The following DCAF8L1 variants were observed in gnomAD, a reference collection of about 807,000 sequenced individuals.
The protein encoded by DCAF8L1 is DDB1- and CUL4-associated factor 8-like protein 1.
For missense variants in DCAF8L1, 434 were observed against 481.6 expected, an observed-to-expected ratio of 0.90 and a Z score of 0.92; for synonymous variants, 217 against 186.8, an observed-to-expected ratio of 1.16 and a Z score of -1.32.
chrX:27,978,869 T>C lies in DCAF8L1; in HGVS notation c.*663A>G. The C allele has an allele frequency of 1.1e-6, 1 of 876,319 alleles. No homozygotes were observed. Among genetic ancestry groups the C allele is most frequent in the Non-Finnish European group, 1.7e-6 (1 of 600,912 alleles). The allele number at this position is 876,319 out of a possible 1,213,427, so 72.2% of individuals were successfully genotyped here. A position where few individuals can be genotyped will look rare whatever the true frequency, so the allele number is the denominator to read the frequency against. On this transcript the variant is annotated 3_prime_UTR_variant, in exon 1 of 1. Coordinates refer to ENST00000441525, the MANE Select transcript of DCAF8L1 (RefSeq NM_001017930.2). Reference sequence around the variant, plus strand: ...TGTTGGAAAATCACAATTAACCAGATGATGAAGAGTGAATTTCTTGAGTAC... The same window carrying C: ...TGTTGGAAAATCACAATTAACCAGACGATGAAGAGTGAATTTCTTGAGTAC...
In DCAF8L1 at chrX:27,979,426, G is replaced by A; in HGVS notation, c.*106C>T. The A allele has an allele frequency of 1.9e-6, 2 of 1,065,732 alleles. No homozygotes were observed. Among genetic ancestry groups the A allele is most frequent in the Admixed American group, 3.3e-5 (1 of 29,988 alleles). The allele number at this position is 1,065,732 out of a possible 1,213,427, so 87.8% of individuals were successfully genotyped here. ...CATATAAGGGGTAACAAAAACAGAA[G>A]ACAAAAAGCAAATCTGTTAATCAAT... On this transcript the variant is annotated 3_prime_UTR_variant, in exon 1 of 1. Transcript: ENST00000441525.
rs1483993462 is a variant in DCAF8L1 at position 27,978,719 on chromosome X, C to T, written c.*813G>A. ...TATTTGCTCTGAGGAGATGAATTATCTGGTTAGGAATTCATCTACACACTA... is the reference window on the plus strand; with the variant it reads ...TATTTGCTCTGAGGAGATGAATTATTTGGTTAGGAATTCATCTACACACTA... On this transcript the variant is annotated 3_prime_UTR_variant, in exon 1 of 1. Transcript: ENST00000441525. 2.7e-6 allele frequency: 1 copy of T among 364,738 alleles called. No homozygotes were observed. The highest frequency in any genetic ancestry group is 4.7e-6 in the Non-Finnish European group (1 of 212,854). The allele number at this position is 364,738 out of a possible 1,213,427, so 30.1% of individuals were successfully genotyped here. A position where few individuals can be genotyped will look rare whatever the true frequency, so the allele number is the denominator to read the frequency against.
At position 27,979,570 on chromosome X, in the gene DCAF8L1, C is replaced by T; in HGVS notation, c.1765G>A (p.Glu589Lys). 4 of 1,210,419 alleles carry T rather than the reference C, an allele frequency of 3.3e-6. No homozygotes were observed. Among genetic ancestry groups the T allele is most frequent in the Non-Finnish European group, 3.4e-6 (3 of 894,669 alleles). The part of the protein sequence containing the change: ...ESSSTSDTSE[E>K]EGQDRVQCIP... ...CACTGCACTCGATCTTGGCCCTCCTCCTCGGATGTATCTGAGGTGCTGGAA... is the reference window on the plus strand; with the variant it reads ...CACTGCACTCGATCTTGGCCCTCCTTCTCGGATGTATCTGAGGTGCTGGAA... The change falls in exon 1 of 1, where the codon GAG becomes AAG. Residue 589 changes from glutamate (E) to lysine (K), a missense_variant. Transcript: ENST00000441525.
chrX:27,980,593 A>G lies in DCAF8L1; in HGVS notation c.742T>C (p.Phe248Leu), dbSNP rs1214658265. 6 of 1,212,256 alleles carry G rather than the reference A, an allele frequency of 4.9e-6. No individual in the cohort carries two copies. The South Asian group carries it at 5.3e-5, about 11-fold the overall frequency. Reference sequence around the variant, plus strand: ...AGAGTGGAATCACCACAGTTAGGAAAGAACTTAGCCTGGATGACATTAATA... The same window carrying G: ...AGAGTGGAATCACCACAGTTAGGAAGGAACTTAGCCTGGATGACATTAATA... ...HDINVIQAKF[F>L]PNCGDSTLAM... Residue 248 changes from phenylalanine to leucine, a missense_variant, in exon 1 of 1, where the codon TTT (phenylalanine) becomes CTT (leucine). Transcript: ENST00000441525.
In DCAF8L1 at chrX:27,980,261, A is replaced by T; in HGVS notation, c.1074T>A (p.Phe358Leu). 8.3e-7 allele frequency: 1 copy of T among 1,211,974 alleles called. No individual in the cohort carries two copies. The highest frequency in any genetic ancestry group is 1.1e-6 in the Non-Finnish European group (1 of 895,564). ...YQFAVGGHDQFVRIYDQRRID... is the reference protein window; with the variant it reads ...YQFAVGGHDQLVRIYDQRRID... ...TTCTCCTCTGGTCATAAATCCTTACAAACTGATCATGTCCACCCACTGCAA... is the reference window on the plus strand; with the variant it reads ...TTCTCCTCTGGTCATAAATCCTTACTAACTGATCATGTCCACCCACTGCAA... Residue 358 changes from phenylalanine to leucine, a missense_variant, in exon 1 of 1, where the codon TTT becomes TTA. By Grantham distance (22) the Phe-to-Leu change is conservative. Coordinates refer to ENST00000441525, the MANE Select transcript of DCAF8L1 (RefSeq NM_001017930.2).
rs138100395 is a variant in DCAF8L1 at position 27,979,716 on chromosome X, G to T, written c.1619C>A (p.Thr540Lys). Reference sequence around the variant, plus strand: ...AAGCATGCGGTTGTCAAACGAGTCCGTATAGTTCAAGTTGTCTTCATCTCG... The same window carrying T: ...AAGCATGCGGTTGTCAAACGAGTCCTTATAGTTCAAGTTGTCTTCATCTCG... ...QERDEDNLNY[T>K]DSFDNRMLRF... is the part of the protein sequence containing the mutation. Residue 540 changes from threonine (T) to lysine (K), a missense_variant, in exon 1 of 1, where the codon ACG becomes AAG. Transcript: ENST00000441525. 8.3e-7 allele frequency: 1 copy of T among 1,210,970 alleles called. No individual in the cohort carries two copies. Among genetic ancestry groups the T allele is most frequent in the Non-Finnish European group, 1.1e-6 (1 of 895,119 alleles).
rs746654902 is a variant in DCAF8L1 at position 27,980,884 on chromosome X, G to T, written c.451C>A (p.Pro151Thr). Residue 151 changes from proline (P) to threonine (T), a missense_variant, in exon 1 of 1, where the codon CCC becomes ACC. Transcript: ENST00000441525. The part of the protein sequence containing the change: ...EWISSETSAL[P>T]RSRWQVLTAL... Reference sequence around the variant, plus strand: ...GTAAGGACTTGCCAGCGAGATCGGGGCAGGGCAGATGTCTCTGAGGAAATC... The same window carrying T: ...GTAAGGACTTGCCAGCGAGATCGGGTCAGGGCAGATGTCTCTGAGGAAATC... 1.3e-5 allele frequency: 16 copies of T among 1,210,042 alleles called. No homozygotes were observed. In the Admixed American group the frequency reaches 2.8e-4, roughly 21 times the overall value.
chrX:27,979,844 C>T lies in DCAF8L1; in HGVS notation c.1491G>A (p.Ala497=), dbSNP rs1306988701. Residue 497 remains alanine (A), a synonymous_variant, in exon 1 of 1, where the codon GCG becomes GCA. Coordinates refer to ENST00000441525, the MANE Select transcript of DCAF8L1 (RefSeq NM_001017930.2). ...LEPHPYLPVL[A]TSGLDQHVRI... ...TGACATGCTGATCTAGGCCACTGGT[C>T]GCCAACACAGGTAGGTAAGGGTGGG... 1.7e-6 allele frequency: 2 copies of T among 1,208,046 alleles called. No homozygotes were observed. The highest frequency in any genetic ancestry group is 1.8e-5 in the African/African-American group (1 of 56,629).
Position 27,978,725 on chromosome X carries a change from A to T in DCAF8L1, c.*807T>A, listed in dbSNP as rs767776264. ...CTCTGAGGAGATGAATTATCTGGTT[A>T]GGAATTCATCTACACACTACTTCTT... On this transcript the variant is annotated 3_prime_UTR_variant, in exon 1 of 1. Coordinates refer to ENST00000441525, the MANE Select transcript of DCAF8L1 (RefSeq NM_001017930.2). The T allele has an allele frequency of 7.4e-5, 29 of 389,760 alleles. No individual in the cohort carries two copies. The highest frequency in any genetic ancestry group is 6.8e-4 in the African/African-American group (27 of 39,548). The allele number at this position is 389,760 out of a possible 1,213,427, so 32.1% of individuals were successfully genotyped here.
At position 27,979,574 on chromosome X, in the gene DCAF8L1, G is replaced by C; in HGVS notation, c.1761C>G (p.Ser587=). The part of the protein sequence containing the change: ...LDESSSTSDT[S]EEEGQDRVQC... ...GCACTCGATCTTGGCCCTCCTCCTC[G>C]GATGTATCTGAGGTGCTGGAAGACT... Residue 587 remains serine (S), a synonymous_variant, in exon 1 of 1, where the codon TCC becomes TCG. Transcript: ENST00000441525. 8.3e-7 allele frequency: 1 copy of C among 1,210,266 alleles called. No individual in the cohort carries two copies.
chrX:27,981,383 C>G lies in DCAF8L1; in HGVS notation c.-49G>C. 1.7e-6 allele frequency: 2 copies of G among 1,180,021 alleles called. No individual in the cohort carries two copies. Among genetic ancestry groups the G allele is most frequent in the East Asian group, 3.0e-5 (1 of 33,482 alleles). On this transcript the variant is annotated 5_prime_UTR_variant, in exon 1 of 1. Coordinates refer to ENST00000441525, the MANE Select transcript of DCAF8L1 (RefSeq NM_001017930.2). ...GATCTGGAACTGGAAAAGCCAACCC[C>G]TAAAAGCTCAGGGAAGAGAGCACGC...
Position 27,981,147 on chromosome X carries a change from G to C in DCAF8L1, c.188C>G (p.Ala63Gly). ...GTCTGTGTTTTGATTTTCTGTGCTG[G>C]CATCGTTCAGGAAACCACCATCCCT... ...DTRDGGFLND[A>G]STENQNTDSE... Residue 63 changes from alanine to glycine, a missense_variant, in exon 1 of 1, where the codon GCC becomes GGC. Ala to Gly is a moderately conservative substitution (Grantham distance 60). Transcript: ENST00000441525. 1.7e-6 allele frequency: 2 copies of C among 1,211,458 alleles called. No homozygotes were observed. Among genetic ancestry groups the C allele is most frequent in the African/African-American group, 1.7e-5 (1 of 57,655 alleles).
In DCAF8L1 at chrX:27,980,687, A is replaced by T. The variant is rs1318413945; in HGVS notation, c.648T>A (p.Asp216Glu). The T allele has an allele frequency of 8.3e-7, 1 of 1,211,574 alleles. No individual in the cohort carries two copies. Among genetic ancestry groups the T allele is most frequent in the Non-Finnish European group, 1.1e-6 (1 of 895,472 alleles). Residue 216 changes from aspartate (D) to glutamate (E), a missense_variant, in exon 1 of 1, where the codon GAT becomes GAA. Transcript: ENST00000441525. ...QRGTRLASSG[D>E]DLRVIVWDWV... ...AGTCCCACACTATCACCCTTAAGTC[A>T]TCACCGCTACTGGCCAGTCGGGTGC...
chrX:27,979,010 C>A lies in DCAF8L1; in HGVS notation c.*522G>T. ...AGGATTCATAGAGATTGTATACAGT[C>A]CCACTTTCTTATTCTTCTCTCTTGT... On this transcript the variant is annotated 3_prime_UTR_variant, in exon 1 of 1. Coordinates refer to ENST00000441525, the MANE Select transcript of DCAF8L1 (RefSeq NM_001017930.2). 2.1e-6 allele frequency: 1 copy of A among 466,344 alleles called. No individual in the cohort carries two copies. Among genetic ancestry groups the A allele is most frequent in the East Asian group, 4.0e-5 (1 of 24,956 alleles). The allele number at this position is 466,344 out of a possible 1,213,427, so 38.4% of individuals were successfully genotyped here.
Position 27,980,507 on chromosome X carries a change from G to A in DCAF8L1, c.828C>T (p.Cys276=), listed in dbSNP as rs768724205. Residue 276 remains cysteine, a synonymous_variant, in exon 1 of 1, where the codon TGC becomes TGT. Coordinates refer to ENST00000441525, the MANE Select transcript of DCAF8L1 (RefSeq NM_001017930.2). ...GCTTGGCCACACGCTTAGTATTCTC[G>A]CAATATGATGCATTAATTAGTTCTG... ...RVAELINASY[C]ENTKRVAKHR... is the part of the protein sequence containing the mutation. 47 of 1,210,407 alleles carry A rather than the reference G, an allele frequency of 3.9e-5. No individual in the cohort carries two copies. The highest frequency in any genetic ancestry group is 3.0e-4 in the South Asian group (17 of 56,850).
chrX:27,981,177 T>C lies in DCAF8L1; in HGVS notation c.158A>G (p.Asp53Gly), dbSNP rs1238404046. ...GTTCAGGAAACCACCATCCCTGGTA[T>C]CACCACCATCTCCGGTCGATGGCTC... ...ATEPSTGDGG[D>G]TRDGGFLNDA... is the part of the protein sequence containing the mutation. Residue 53 changes from aspartate (D) to glycine (G), a missense_variant, in exon 1 of 1, where the codon GAT becomes GGT. Transcript: ENST00000441525. 4 of 1,211,931 alleles carry C rather than the reference T, an allele frequency of 3.3e-6. No homozygotes were observed. The highest frequency in any genetic ancestry group is 3.0e-5 in the East Asian group (1 of 33,812).
At position 27,980,877 on chromosome X, in the gene DCAF8L1, G is replaced by T; in HGVS notation, c.458C>A (p.Ser153Tyr). 8.3e-7 allele frequency: 1 copy of T among 1,211,553 alleles called. No homozygotes were observed. Reference sequence around the variant, plus strand: ...AAGAGCAGTAAGGACTTGCCAGCGAGATCGGGGCAGGGCAGATGTCTCTGA... The same window carrying T: ...AAGAGCAGTAAGGACTTGCCAGCGATATCGGGGCAGGGCAGATGTCTCTGA... ...ISSETSALPRSRWQVLTALRQ... is the reference protein window; with the variant it reads ...ISSETSALPRYRWQVLTALRQ... Residue 153 changes from serine to tyrosine, a missense_variant, in exon 1 of 1, where the codon TCT becomes TAT. Transcript: ENST00000441525.
chrX:27,979,354 T>A lies in DCAF8L1; in HGVS notation c.*178A>T. 1 of 570,568 alleles carries A rather than the reference T, an allele frequency of 1.8e-6. No individual in the cohort carries two copies. The highest frequency in any genetic ancestry group is 2.5e-6 in the Non-Finnish European group (1 of 402,575). 47.0% of individuals were successfully genotyped at this position (570,568 alleles called of 1,213,427 possible). A position where few individuals can be genotyped will look rare whatever the true frequency, so the allele number is the denominator to read the frequency against. ...AAATTATGCAATTTTAGAGGTCAAT[T>A]ATAAGGGAACAAAGGAAAAGAGGCA... On this transcript the variant is annotated 3_prime_UTR_variant, in exon 1 of 1. Coordinates refer to ENST00000441525, the MANE Select transcript of DCAF8L1 (RefSeq NM_001017930.2).
Position 27,981,114 on chromosome X carries a change from C to G in DCAF8L1, c.221G>C (p.Ser74Thr). ...TTCAAGTTCGACGTCTTCACTTGAACTTTCTGAGTCTGTGTTTTGATTTTC... is the reference window on the plus strand; with the variant it reads ...TTCAAGTTCGACGTCTTCACTTGAAGTTTCTGAGTCTGTGTTTTGATTTTC... Reference protein sequence around the residue: ...STENQNTDSESSSEDVELESM... With the variant: ...STENQNTDSETSSEDVELESM... The change falls in exon 1 of 1, where the codon AGT (serine) becomes ACT (threonine). Residue 74 changes from serine (S) to threonine (T), a missense_variant. Coordinates refer to ENST00000441525, the MANE Select transcript of DCAF8L1 (RefSeq NM_001017930.2). 2 of 1,211,905 alleles carry G rather than the reference C, an allele frequency of 1.7e-6. No homozygotes were observed. The highest frequency in any genetic ancestry group is 2.2e-6 in the Non-Finnish European group (2 of 895,598).
Sources: allele counts gnomAD v4.1 joint callset, GRCh38; gene constraint gnomAD v4.1.1; transcripts MANE v1.5; gene names NCBI Gene and HGNC (gene_info 2026-07-23, HGNC 2026-07-21).